MYO5C: variants seen among roughly 807,000 people sequenced by gnomAD.
MYO5C encodes myosin VC.
MYO5C carries 194 observed loss-of-function variants against 235.7 expected under a neutral mutation model. The observed-to-expected ratio is 0.82, with a 90% CI of 0.73 to 0.93. MYO5C has a LOEUF of 0.93. Ranked by LOEUF, MYO5C falls within the 40% of genes least tolerant of loss-of-function variation. The pLI is 0.00. For synonymous variants in MYO5C, 707 were observed against 754.8 expected (o/e 0.94, Z 1.04); for missense variants, 2,038 against 2,127.2 (o/e 0.96, Z 0.82).
chr15:52,225,285 AG>A, intron 26 of MYO5C, 147 bp from the exon 27 acceptor site: 1 of 1,087,622 alleles, frequency 9.2e-7, no homozygotes, highest in South Asian at 1.4e-5. Context: ...CCAATCTTCC[AG>A]GTATTCAACC....
At chr15:52,239,243 G>A (rs1473093098) in intron 21 of MYO5C, among the ~76,000 whole-genome samples, 2 of 152,186 alleles carry the variant, frequency 1.3e-5, no homozygotes, top group Non-Finnish European at 1.5e-5. Context: ...CAGCCACCAC[G>A]CCCGGCCTTG....
At position 52,261,051 on chromosome 15, in the gene MYO5C, T is replaced by C. The variant is rs1044186821; in HGVS notation, c.1124A>G (p.Asn375Ser). The C allele has an allele frequency of 1.2e-5, 19 of 1,614,124 alleles. No homozygotes were observed. In the Admixed American group the frequency reaches 2.8e-4, roughly 24 times the overall value. The change falls in exon 10 of 41, where the codon AAT (asparagine) becomes AGT (serine). Residue 375 changes from asparagine (N) to serine (S), a missense_variant. Physicochemically the swap from Asn to Ser is conservative, Grantham distance 46. Transcript: ENST00000261839. Reference protein sequence around the residue: ...ESGRVAQWLCNRKIVTSSETV... With the variant: ...ESGRVAQWLCSRKIVTSSETV... ...CTCAGAGCTTGTGACGATTTTGCGA[T>C]TGCACAGCCACTGAGCAACTCTGCC... is the stretch of plus-strand genomic sequence containing the variant.
intron 23 of MYO5C, among the ~76,000 whole-genome samples, chr15:52,234,105 A>T (rs1266000410): frequency 1.3e-5 from 2 of 152,278 alleles, no homozygotes; most frequent in Non-Finnish European, 2.9e-5. Context: ...ATTGGCTTTA[A>T]TTCTGGTGCT....
chr15:52,269,722 C>T (rs1298302366), intron 8 of MYO5C, 31 bp downstream of exon 8: 1 of 1,407,834 alleles, frequency 7.1e-7, no homozygotes, highest in Non-Finnish European at 9.9e-7. Flanking sequence ...GAGAAAATGG[C>T]TACATACTTG....
intron 28 of MYO5C, among the ~76,000 whole-genome samples, chr15:52,224,135 T>C (rs1389543060): frequency 6.6e-6 from 1 of 151,912 alleles, no homozygotes; most frequent in African/African-American, 2.4e-5. Flanking sequence ...ATACAAAAAT[T>C]AGCCAGGTGT....
At chr15:52,242,286 G>C (rs1365693486) in intron 19 of MYO5C, 73 bp from the exon 20 acceptor site, 1 of 1,476,162 alleles carries the variant, frequency 6.8e-7, no homozygotes, top group African/African-American at 1.4e-5. Context: ...CTGCAAGCTT[G>C]GCTAGCATGT....
chr15:52,281,086 C>T (rs2140859562), intron 2 of MYO5C, among the ~76,000 whole-genome samples: 1 of 152,352 alleles, frequency 6.6e-6, no homozygotes, highest in African/African-American at 2.4e-5. Context: ...GCTTCTCATA[C>T]ATACTGACTT....
chr15:52,275,946 T>G (rs1008568840), intron 4 of MYO5C, among the ~76,000 whole-genome samples: 1 of 152,180 alleles, frequency 6.6e-6, no homozygotes, highest in African/African-American at 2.4e-5. Context: ...TCCTTACTCC[T>G]TACTGCTTCC....
rs1164139006 is a variant in MYO5C, at chr15:52,286,318, G to A, written c.28-3426C>T. Reference sequence around the variant, plus strand: ...GCCGCCCCGTCCGGGAGGGAGGTGGGGGGGGTCAGCCCCCCGCCCGGCCAG... The same window carrying A: ...GCCGCCCCGTCCGGGAGGGAGGTGGAGGGGGTCAGCCCCCCGCCCGGCCAG... On this transcript the variant is annotated intron_variant, in intron 1 of 40. Transcript: ENST00000261839. Among the ~76,000 whole-genome samples, 8 of 148,942 alleles carry A rather than the reference G, an allele frequency of 5.4e-5. 1 individual carries two copies. Among genetic ancestry groups the A allele is most frequent in the Admixed American group, 6.7e-5 (1 of 14,938 alleles).
Position 52,208,565 on chromosome 15 carries a change from T to C in MYO5C, c.4375A>G (p.Ser1459Gly), listed in dbSNP as rs752778560. ...TGGGCGCCCCCTACCTCTTCTCCGC[T>C]GTACTGCTTCAGGCAATTGAGAAAA... ...CHFLNCLKQY[S>G]GEEEFMKHNS... is the part of the protein sequence containing the mutation. Residue 1459 changes from serine (S) to glycine (G), a missense_variant, in exon 36 of 41, where the codon AGC (serine) becomes GGC (glycine). Ser to Gly is a moderately conservative substitution (Grantham distance 56). Coordinates refer to ENST00000261839, the MANE Select transcript of MYO5C (RefSeq NM_018728.4). 1.9e-6 allele frequency: 3 copies of C among 1,614,166 alleles called. No individual in the cohort carries two copies. Among genetic ancestry groups the C allele is most frequent in the Admixed American group, 3.3e-5 (2 of 60,020 alleles).
intron 34 of MYO5C, 86 bp from the exon 35 acceptor site, chr15:52,211,970 T>C: frequency 7.3e-7 from 1 of 1,373,422 alleles, no homozygotes; most frequent in Non-Finnish European, 9.9e-7. Flanking sequence ...GGGGCTTGTT[T>C]GCTTTTCTGT....
At chr15:52,245,550 T>TG in intron 17 of MYO5C, 85 bp from the exon 18 acceptor site, 1 of 926,796 alleles carries the variant, frequency 1.1e-6, no homozygotes, top group Non-Finnish European at 1.8e-6. Context: ...CTGCCACTGT[T>TG]GTCATAGGGC....
intron 16 of MYO5C, among the ~76,000 whole-genome samples, chr15:52,246,694 A>C (rs1293874498): frequency 6.6e-6 from 1 of 152,234 alleles, no homozygotes. Flanking sequence ...CTTTAGTTGT[A>C]GAAGATTCTT....
intron 22 of MYO5C, among the ~76,000 whole-genome samples, chr15:52,236,537 G>A (rs1415477562): frequency 2.0e-5 from 3 of 152,194 alleles, no homozygotes; most frequent in South Asian, 2.1e-4. Context: ...TTAGCCGGGC[G>A]TCATGGCGCA....
In MYO5C at chr15:52,237,610, T is replaced by C. The variant is rs2036117444; in HGVS notation, c.2740A>G (p.Ser914Gly). The C allele has an allele frequency of 3.1e-6, 5 of 1,614,012 alleles. No individual in the cohort carries two copies. Among genetic ancestry groups the C allele is most frequent in the Non-Finnish European group, 4.2e-6 (5 of 1,180,034 alleles). The change falls in exon 22 of 41, where the codon AGC becomes GGC. Residue 914 changes from serine to glycine, a missense_variant. By Grantham distance (56) the Ser-to-Gly change is moderately conservative. Coordinates refer to ENST00000261839, the MANE Select transcript of MYO5C (RefSeq NM_018728.4). Reference sequence around the variant, plus strand: ...TCCCCAGCTCGAAGAGCAGCCAGGCTAGTCAGCTTCTCCACCAGCCCATGG... The same window carrying C: ...TCCCCAGCTCGAAGAGCAGCCAGGCCAGTCAGCTTCTCCACCAGCCCATGG... ...ENHGLVEKLT[S>G]LAALRAGDVE...
chr15:52,295,610 C>A lies in MYO5C; in HGVS notation c.27G>T (p.Gln9His), dbSNP rs1430511057. The change falls in exon 1 of 41, where the codon CAG (glutamine) becomes CAT (histidine). Residue 9 changes from glutamine (Q) to histidine (H), a missense_variant and splice_region_variant. Gln to His is a conservative substitution (Grantham distance 24). Transcript: ENST00000261839. ...CCAGGAGCCCAGCGGACCCTCCTAC[C>A]TGCGTGTACAGCTCGGCCACCGCCA... MAVAELYTQYNRVWIPDPE... is the reference protein window; with the variant it reads MAVAELYTHYNRVWIPDPE... 6.7e-7 allele frequency: 1 copy of A among 1,493,544 alleles called. No homozygotes were observed. Among genetic ancestry groups the A allele is most frequent in the Non-Finnish European group, 8.9e-7 (1 of 1,124,342 alleles). The allele number at this position is 1,493,544 out of a possible 1,614,324, so 92.5% of individuals were successfully genotyped here.
chr15:52,270,152 C>A (rs749602407), intron 7 of MYO5C, among the ~76,000 whole-genome samples: 3 of 152,138 alleles, frequency 2.0e-5, no homozygotes, highest in Non-Finnish European at 2.9e-5. Flanking sequence ...CATGGTGGCA[C>A]ATGCCTATGG....
chr15:52,206,226 C>T (rs1040625185), intron 36 of MYO5C, among the ~76,000 whole-genome samples: 1 of 152,108 alleles, frequency 6.6e-6, no homozygotes, highest in Non-Finnish European at 1.5e-5. Context: ...AATGGAAAAG[C>T]TCGTAGAAGG....
intron 38 of MYO5C, among the ~76,000 whole-genome samples, chr15:52,203,972 C>T (rs1040944274): frequency 3.3e-5 from 5 of 152,202 alleles, no homozygotes; most frequent in African/African-American, 7.2e-5. Context: ...ACCATCATCA[C>T]TACCCCAGGT....
Sources: allele counts gnomAD v4.1 joint callset (sites outside exome capture counted in the v4.1 genomes callset), GRCh38; gene constraint gnomAD v4.1.1; transcripts MANE v1.5; gene names NCBI Gene and HGNC (gene_info 2026-07-23, HGNC 2026-07-21).